The following SPEF2 variants were observed in gnomAD, a reference collection of about 807,000 sequenced individuals.
The protein encoded by SPEF2 is sperm flagella and cilia-associated protein 2.
A neutral mutation model predicts 224.6 loss-of-function variants in SPEF2; 187 were observed. That is an observed-to-expected ratio of 0.83 (90% CI 0.74 to 0.94). SPEF2 has a LOEUF of 0.94. Among genes scored for constraint, SPEF2 ranks in the 40% least tolerant of loss-of-function variants. The pLI, the probability that SPEF2 is intolerant of heterozygous loss-of-function variation, is 0.00. For missense variants in SPEF2, 2,170 were observed against 2,135.6 expected (o/e 1.02, Z -0.32); for synonymous variants, 715 against 707.3 (o/e 1.01, Z -0.17).
intron 20 of SPEF2, among the ~76,000 whole-genome samples, chr5:35,722,788 A>G (rs1175480532): frequency 6.6e-6 from 1 of 151,038 alleles, no homozygotes; most frequent in African/African-American, 2.4e-5. Flanking sequence ...TTCCAATTTC[A>G]TCCATGTCCC....
chr5:35,812,146 A>G (rs1758583306), intron 36 of SPEF2, among the ~76,000 whole-genome samples: 1 of 152,030 alleles, frequency 6.6e-6, no homozygotes, highest in South Asian at 2.1e-4. Flanking sequence ...TACTTCTACT[A>G]CTGCTGGTCT....
At chr5:35,644,615 T>C in intron 4 of SPEF2, 90 bp downstream of exon 4, 6 of 1,029,680 alleles carry the variant, frequency 5.8e-6, no homozygotes, top group Non-Finnish European at 8.0e-6. Context: ...TAAGTAGTAG[T>C]GGAGCACAAG....
At chr5:35,762,530 T>C (rs1350800870) in intron 25 of SPEF2, among the ~76,000 whole-genome samples, 1 of 152,192 alleles carries the variant, frequency 6.6e-6, no homozygotes, top group Non-Finnish European at 1.5e-5. Context: ...TATGATACTG[T>C]ACCAGTGATT....
intron 8 of SPEF2, among the ~76,000 whole-genome samples, chr5:35,662,054 G>T (rs1749817238): frequency 6.6e-6 from 1 of 152,128 alleles, no homozygotes; most frequent in African/African-American, 2.4e-5. Flanking sequence ...CAGTGTAAAA[G>T]TGTTCCTTTT....
chr5:35,727,659 G>A lies in SPEF2; in HGVS notation c.2915-16G>A, dbSNP rs936882856. ...TCATTTACTTGTATTGGAATAATTT[G>A]ATATGCATGTTTAAGGTTCTCCTAA... On this transcript the variant is annotated splice_polypyrimidine_tract_variant and intron_variant, in intron 20 of 36. Transcript: ENST00000356031. 1 of 1,607,422 alleles carries A rather than the reference G, an allele frequency of 6.2e-7. No homozygotes were observed. The highest frequency in any genetic ancestry group is 1.7e-5 in the Admixed American group (1 of 59,682).
intron 20 of SPEF2, among the ~76,000 whole-genome samples, chr5:35,721,743 AGAC>A (rs879606677): frequency 0.22 from 6,141 of 27,858 alleles, 162 homozygotes; most frequent in Non-Finnish European, 0.34. Flanking sequence ...GTACATACAT[AGAC>A]AGGCAGAAGA....
intron 19 of SPEF2, chr5:35,710,245 T>C: frequency 3.0e-6 from 3 of 984,776 alleles, no homozygotes; most frequent in Non-Finnish European, 3.6e-6. Flanking sequence ...AATGGAAATA[T>C]TTAAAATGCT....
At chr5:35,807,639 G>GT in intron 36 of SPEF2, 1 of 1,535,410 alleles carries the variant, frequency 6.5e-7, no homozygotes, top group Admixed American at 2.0e-5. Flanking sequence ...ATCACGCAAG[G>GT]TACACATCAT....
At chr5:35,769,965 C>A (rs143593308) in intron 26 of SPEF2, among the ~76,000 whole-genome samples, 8 of 150,426 alleles carry the variant, frequency 5.3e-5, no homozygotes, top group Admixed American at 4.0e-4. Context: ...GAGTTTTAAA[C>A]CCTGTGTTGC....
chr5:35,676,162 T>G (rs979739110), intron 10 of SPEF2, among the ~76,000 whole-genome samples: 3 of 152,194 alleles, frequency 2.0e-5, no homozygotes, highest in Admixed American at 6.5e-5. Flanking sequence ...CTGACATGAA[T>G]AAGATCAGAG....
chr5:35,641,548 A>G lies in SPEF2; in HGVS notation c.279A>G (p.Ala93=), dbSNP rs1331850279. ...HGIITEKPGV[A]TKLLYQLYIA... ...TCATCACAGAAAAGCCTGGGGTGGC[A>G]ACAAAGCTGTTATATCAATTGTACA... The change falls in exon 3 of 37, where the codon GCA becomes GCG. Residue 93 remains alanine, a synonymous_variant. Transcript: ENST00000356031. 1 of 1,613,866 alleles carries G rather than the reference A, an allele frequency of 6.2e-7. No homozygotes were observed. The highest frequency in any genetic ancestry group is 1.7e-5 in the Admixed American group (1 of 59,958).
chr5:35,699,960 C>T (rs1310826658), intron 15 of SPEF2: 1 of 153,264 alleles, frequency 6.5e-6, no homozygotes, highest in African/African-American at 2.4e-5. Flanking sequence ...TGGGAGGGAC[C>T]TGGTGGGAGA....
chr5:35,631,683 A>C (rs1745153884), intron 2 of SPEF2, among the ~76,000 whole-genome samples: 1 of 152,222 alleles, frequency 6.6e-6, no homozygotes, highest in African/African-American at 2.4e-5. Context: ...TAATAGCCAA[A>C]AAGTAGAAAC....
chr5:35,628,690 A>G, intron 2 of SPEF2, 128 bp downstream of exon 2: 1 of 610,262 alleles, frequency 1.6e-6, no homozygotes, highest in East Asian at 3.0e-5. Flanking sequence ...CTCCTGGGAT[A>G]AAGCAATCCT....
intron 9 of SPEF2, among the ~76,000 whole-genome samples, chr5:35,669,187 C>T (rs1337752827): frequency 6.6e-6 from 1 of 152,102 alleles, no homozygotes; most frequent in Non-Finnish European, 1.5e-5. Context: ...TTCTGTCTGG[C>T]TTATTTCACT....
chr5:35,807,805 C>A lies in SPEF2; in HGVS notation c.5379+552C>A. The stretch of plus-strand genomic sequence containing the variant: ...CTGCAACTCAGAAATCACATAACCA[C>A]CAAGCAGGTCTGGACCACACATGCT... On this transcript the variant is annotated intron_variant, in intron 36 of 36. Coordinates refer to ENST00000356031, the MANE Select transcript of SPEF2 (RefSeq NM_024867.4). 7 of 1,534,810 alleles carry A rather than the reference C, an allele frequency of 4.6e-6. 1 individual carries two copies. The East Asian group carries it at 1.7e-4, about 38-fold the overall frequency.
chr5:35,759,129 T>C (rs1173324131), intron 24 of SPEF2, among the ~76,000 whole-genome samples: 2 of 152,192 alleles, frequency 1.3e-5, no homozygotes, highest in Non-Finnish European at 2.9e-5. Context: ...TTTTTTGTAT[T>C]TGTATTTTGT....
Position 35,644,526 on chromosome 5 carries a change from G to C in SPEF2, c.585+1G>C. ...GCAAAGATGTTTTGATATTGAAAAG[G>C]TTCTATAGAACTATTTTTTCAGAAA... On this transcript the variant is annotated splice_donor_variant, in intron 4 of 36. Coordinates refer to ENST00000356031, the MANE Select transcript of SPEF2 (RefSeq NM_024867.4). LOFTEE classifies it high-confidence loss of function. 1 of 1,588,594 alleles carries C rather than the reference G, an allele frequency of 6.3e-7. No individual in the cohort carries two copies. Among genetic ancestry groups the C allele is most frequent in the Non-Finnish European group, 8.5e-7 (1 of 1,170,114 alleles).
intron 18 of SPEF2, among the ~76,000 whole-genome samples, chr5:35,707,510 A>G (rs1026945497): frequency 6.6e-6 from 1 of 152,224 alleles, no homozygotes; most frequent in Non-Finnish European, 1.5e-5. Context: ...GAAAAGAGTA[A>G]TCTAAGGGTG....
Sources: allele counts gnomAD v4.1 joint callset (sites outside exome capture counted in the v4.1 genomes callset), GRCh38; gene constraint gnomAD v4.1.1; transcripts MANE v1.5; gene names NCBI Gene and HGNC (gene_info 2026-07-23, HGNC 2026-07-21).